The following ST3GAL3 variants were observed in gnomAD, a reference collection of about 807,000 sequenced individuals.
ST3GAL3 encodes the protein CMP-N-acetylneuraminate-beta-1,4-galactoside alpha-2,3-sialyltransferase.
Under a neutral mutation model 50.1 loss-of-function variants are expected in ST3GAL3, and 21 were observed. The observed-to-expected ratio is 0.42, with a 90% CI of 0.30 to 0.60. The LOEUF (loss-of-function observed/expected upper bound fraction) is 0.60. Among genes scored for constraint, ST3GAL3 ranks in the 20% least tolerant of loss-of-function variants. The pLI is 0.19. For synonymous variants in ST3GAL3, 183 were observed against 190.0 expected, an observed-to-expected ratio of 0.96 and a Z score of 0.30; for missense variants, 353 against 489.4, an observed-to-expected ratio of 0.72 and a Z score of 2.63.
intron 4 of ST3GAL3, among the ~76,000 whole-genome samples, chr1:43,820,509 C>T (rs965513482): frequency 2.0e-5 from 3 of 152,140 alleles, no homozygotes; most frequent in Admixed American, 2.0e-4. Flanking sequence ...CAACAGAGTA[C>T]ACAGACAGCC....
chr1:43,789,414 G>T (rs2154150195), intron 2 of ST3GAL3, among the ~76,000 whole-genome samples: 1 of 152,256 alleles, frequency 6.6e-6, no homozygotes, highest in East Asian at 1.9e-4. Context: ...TGTGATGATG[G>T]TTATGGAGCT....
At chr1:43,840,457 GC>G (rs1449498740) in intron 5 of ST3GAL3, 1 of 152,124 alleles carries the variant, frequency 6.6e-6, no homozygotes, top group East Asian at 1.9e-4. Context: ...AATAGTCCCT[GC>G]GAAATCTTAA....
chr1:43,904,837 GCTC>G (rs1395494299), intron 9 of ST3GAL3, among the ~76,000 whole-genome samples: 5 of 116,202 alleles, frequency 4.3e-5, no homozygotes, highest in Non-Finnish European at 6.9e-5. Context: ...CCCTCCTCCT[GCTC>G]CTATTCCTGC....
At chr1:43,780,608 T>C (rs1699046484) in intron 2 of ST3GAL3, among the ~76,000 whole-genome samples, 1 of 149,416 alleles carries the variant, frequency 6.7e-6, no homozygotes, top group African/African-American at 2.4e-5. Flanking sequence ...ATTTTCCATC[T>C]CTATCTTTTT....
chr1:43,911,645 A>C (rs1191965708), intron 9 of ST3GAL3, among the ~76,000 whole-genome samples: 1 of 150,588 alleles, frequency 6.6e-6, no homozygotes, highest in Non-Finnish European at 1.5e-5. Context: ...ATATCTATAG[A>C]TATATCTGTA....
intron 2 of ST3GAL3, among the ~76,000 whole-genome samples, chr1:43,761,224 AAT>A (rs1489780404): frequency 6.6e-6 from 1 of 152,198 alleles, no homozygotes; most frequent in Non-Finnish European, 1.5e-5. Context: ...TGTAAGATTT[AAT>A]AGTCACAAGC....
intron 2 of ST3GAL3, among the ~76,000 whole-genome samples, chr1:43,785,726 C>G (rs1263440041): frequency 6.6e-6 from 1 of 152,186 alleles, no homozygotes; most frequent in East Asian, 1.9e-4. Context: ...CTGCTTGTGT[C>G]TCCTACCAAT....
chr1:43,877,716 C>T (rs1471620475), intron 5 of ST3GAL3, among the ~76,000 whole-genome samples: 5 of 152,158 alleles, frequency 3.3e-5, no homozygotes, highest in South Asian at 2.1e-4. Flanking sequence ...TGTAAACAGT[C>T]GCATTTTCCA....
chr1:43,734,833 T>C (rs1021569494), intron 1 of ST3GAL3, among the ~76,000 whole-genome samples: 1 of 152,192 alleles, frequency 6.6e-6, no homozygotes, highest in African/African-American at 2.4e-5. Flanking sequence ...TCTTATGTCA[T>C]TGTAATTTTG....
At chr1:43,921,396 G>A in intron 11 of ST3GAL3, 1 of 411,854 alleles carries the variant, frequency 2.4e-6, no homozygotes, top group Non-Finnish European at 4.3e-6. Context: ...TACATTACAG[G>A]TCTCCAGCCT....
At chr1:43,825,564 C>A (rs909973752) in intron 4 of ST3GAL3, among the ~76,000 whole-genome samples, 2 of 152,148 alleles carry the variant, frequency 1.3e-5, no homozygotes, top group Non-Finnish European at 2.9e-5. Context: ...CTGCCAAACT[C>A]CAGGAGACCT....
chr1:43,817,381 CT>C (rs1272380479), intron 4 of ST3GAL3, among the ~76,000 whole-genome samples: 2 of 47,614 alleles, frequency 4.2e-5, no homozygotes, highest in East Asian at 1.2e-3. Context: ...CCTTCTTCTC[CT>C]TCTTCTTCTC....
intron 4 of ST3GAL3, among the ~76,000 whole-genome samples, chr1:43,818,090 T>A (rs2061643667): frequency 1.3e-5 from 2 of 152,116 alleles, no homozygotes; most frequent in Admixed American, 6.6e-5. Flanking sequence ...TTTTCAGCCA[T>A]TATCTCTTTA....
At chr1:43,763,724 G>T (rs148178624) in intron 2 of ST3GAL3, among the ~76,000 whole-genome samples, 1 of 152,188 alleles carries the variant, frequency 6.6e-6, no homozygotes, top group Non-Finnish European at 1.5e-5. Context: ...TTACTAGACC[G>T]TGGGCATCCA....
At chr1:43,786,382 C>T (rs974396203) in intron 2 of ST3GAL3, among the ~76,000 whole-genome samples, 3 of 152,196 alleles carry the variant, frequency 2.0e-5, no homozygotes, top group Non-Finnish European at 4.4e-5. Context: ...TTTCTGTGCT[C>T]TGTGCGCCAG....
At chr1:43,881,895 T>C (rs991841619) in intron 5 of ST3GAL3, among the ~76,000 whole-genome samples, 1 of 152,216 alleles carries the variant, frequency 6.6e-6, no homozygotes, top group Non-Finnish European at 1.5e-5. Flanking sequence ...GTCCCCAGAC[T>C]GCCACAGGTG....
intron 5 of ST3GAL3, among the ~76,000 whole-genome samples, chr1:43,854,726 C>A (rs533752928): frequency 1.2e-3 from 182 of 152,304 alleles, no homozygotes; most frequent in African/African-American, 3.9e-3. Context: ...TCCAACGCAC[C>A]GAATTTCCAA....
At chr1:43,709,097 G>A (rs1051812306) in intron 1 of ST3GAL3, among the ~76,000 whole-genome samples, 2 of 152,198 alleles carry the variant, frequency 1.3e-5, no homozygotes, top group Non-Finnish European at 2.9e-5. Context: ...CTTGAATTGG[G>A]TCATGAAGAG....
chr1:43,778,806 C>T (rs1186041167), intron 2 of ST3GAL3, among the ~76,000 whole-genome samples: 5 of 151,748 alleles, frequency 3.3e-5, no homozygotes, highest in Middle Eastern at 3.4e-3. Context: ...CCACAACGCC[C>T]GGCTAATTTT....
Sources: allele counts gnomAD v4.1 joint callset (sites outside exome capture counted in the v4.1 genomes callset), GRCh38; gene constraint gnomAD v4.1.1; transcripts MANE v1.5; gene names NCBI Gene and HGNC (gene_info 2026-07-23, HGNC 2026-07-21).